PRKN: variants seen among roughly 807,000 people sequenced by gnomAD.
The protein encoded by PRKN is E3 ubiquitin-protein ligase parkin.
Under a neutral mutation model 59.5 loss-of-function variants are expected in PRKN, and 56 were observed. The observed-to-expected ratio is 0.94, with a 90% confidence interval of 0.76 to 1.18. The LOEUF is 1.18. Among genes scored for constraint, PRKN ranks in the 50% most tolerant of loss-of-function variants. PRKN has a pLI of 0.00. For synonymous variants in PRKN, 250 were observed against 222.1 expected (o/e 1.13, Z -1.12); for missense variants, 657 against 596.4 (o/e 1.10, Z -1.06).
chr6:162,340,226 T>C (rs1784112956), intron 2 of PRKN, among the ~76,000 whole-genome samples: 1 of 152,178 alleles, frequency 6.6e-6, no homozygotes, highest in Non-Finnish European at 1.5e-5. Flanking sequence ...TCTCTAATTC[T>C]ATGCATTTTG....
chr6:162,410,415 G>C (rs1788296394), intron 2 of PRKN, among the ~76,000 whole-genome samples: 1 of 152,160 alleles, frequency 6.6e-6, no homozygotes, highest in South Asian at 2.1e-4. Context: ...GATTCACATG[G>C]AAAGTCCACA....
At chr6:161,653,629 T>C (rs1472853343) in intron 7 of PRKN, among the ~76,000 whole-genome samples, 1 of 152,200 alleles carries the variant, frequency 6.6e-6, no homozygotes, top group African/African-American at 2.4e-5. Context: ...GAATAACTAG[T>C]TCATACTTCC....
At position 161,349,313 on chromosome 6, in the gene PRKN, A is replaced by G; in HGVS notation, c.*786T>C. 4.4e-6 allele frequency: 1 copy of G among 228,654 alleles called. No homozygotes were observed. The highest frequency in any genetic ancestry group is 8.7e-6 in the Non-Finnish European group (1 of 115,300). 14.2% of individuals were successfully genotyped at this position (228,654 alleles called of 1,614,324 possible). ...AGATTTTTTGGTGATACTTTCAGAA[A>G]AACAATTTCTTTCTAAAGTTGCAAA... On this transcript the variant is annotated 3_prime_UTR_variant, in exon 12 of 12. Transcript: ENST00000366898. The surrounding 1 kb of genome is among the most constrained non-coding windows in gnomAD (Gnocchi z 5.5).
At chr6:162,408,211 C>T (rs896797997) in intron 2 of PRKN, among the ~76,000 whole-genome samples, 3 of 151,628 alleles carry the variant, frequency 2.0e-5, no homozygotes, top group South Asian at 2.1e-4. Flanking sequence ...TGCTACTAGT[C>T]GGGGTACTTA....
intron 4 of PRKN, among the ~76,000 whole-genome samples, chr6:162,075,632 G>C (rs1283559118): frequency 1.3e-5 from 2 of 151,956 alleles, no homozygotes; most frequent in African/African-American, 2.4e-5. Context: ...CAACTATCTT[G>C]ACCACTCCAA....
Position 161,630,517 on chromosome 6 carries a change from T to TCTCTGCTTAAATCTTAAATCTTC in PRKN, c.872-61102_872-61101insGAAGATTTAAGATTTAAGCAGAG. Among the ~76,000 whole-genome samples, 3 of 152,338 alleles carry TCTCTGCTTAAATCTTAAATCTTC rather than the reference T, an allele frequency of 2.0e-5. No homozygotes were observed. In the Middle Eastern group the frequency reaches 0.01, roughly 518 times the overall value. On this transcript the variant is annotated intron_variant, in intron 7 of 11. Coordinates refer to ENST00000366898, the MANE Select transcript of PRKN (RefSeq NM_004562.3). ...AATGAGTTTCCAAAAGCAGAGAGTA[T>TCTCTGCTTAAATCTTAAATCTTC]CTTAAATCTTCCTGTACTTCCAAGA...
intron 5 of PRKN, among the ~76,000 whole-genome samples, chr6:161,988,302 C>G (rs78074091): frequency 0.063 from 9,566 of 152,008 alleles, 416 homozygotes; most frequent in South Asian, 0.16. Context: ...GCCTGGCCAA[C>G]GTGGTGAAAA....
chr6:162,512,068 C>T (rs1777646484), intron 1 of PRKN, among the ~76,000 whole-genome samples: 2 of 151,274 alleles, frequency 1.3e-5, no homozygotes, highest in Admixed American at 1.3e-4. Context: ...ATAAGCCAAA[C>T]ATCACAGGAA....
chr6:161,377,969 A>G lies in PRKN; in HGVS notation c.1167+8825T>C, dbSNP rs1785795630. ...CTACGGTATTGAGTGACAGCAGCCC[A>G]AACAGATGAGGCAGCAGCTGACAGT... On this transcript the variant is annotated intron_variant, in intron 10 of 11. Transcript: ENST00000366898. The surrounding 1 kb of genome is among the most constrained non-coding windows in gnomAD (Gnocchi z 4.2). Among the ~76,000 whole-genome samples, 1 of 152,112 alleles carries G rather than the reference A, an allele frequency of 6.6e-6. No individual in the cohort carries two copies. Among genetic ancestry groups the G allele is most frequent in the Admixed American group, 6.5e-5 (1 of 15,268 alleles).
In PRKN at chr6:162,165,411, T is replaced by C. The variant is rs541596148; in HGVS notation, c.534+35720A>G. On this transcript the variant is annotated intron_variant, in intron 4 of 11. Transcript: ENST00000366898. ...AGAAAATAGTTCCAAAACATACACCTGATAAAGTACTGATATGTAATAAAT... is the reference window on the plus strand; with the variant it reads ...AGAAAATAGTTCCAAAACATACACCCGATAAAGTACTGATATGTAATAAAT... 4.0e-5 allele frequency among the ~76,000 whole-genome samples: 6 copies of C among 149,398 alleles called. No individual in the cohort carries two copies. The East Asian group carries it at 1.2e-3, about 29-fold the overall frequency.
intron 9 of PRKN, among the ~76,000 whole-genome samples, chr6:161,516,625 C>T (rs1778611730): frequency 6.6e-6 from 1 of 150,668 alleles, no homozygotes; most frequent in African/African-American, 2.4e-5. Flanking sequence ...ATTAGGAGTT[C>T]GAGACCAGCC....
At chr6:162,592,241 G>C (rs1159005196) in intron 1 of PRKN, among the ~76,000 whole-genome samples, 12 of 152,168 alleles carry the variant, frequency 7.9e-5, no homozygotes, top group Non-Finnish European at 7.4e-5. Context: ...CAAGTGATTT[G>C]CCCGCCTTGG....
chr6:162,648,356 T>C (rs1778277913), intron 1 of PRKN, among the ~76,000 whole-genome samples: 2 of 151,602 alleles, frequency 1.3e-5, no homozygotes, highest in Admixed American at 1.3e-4. Flanking sequence ...GCAACTCCTC[T>C]GAGGTAATTA....
intron 1 of PRKN, among the ~76,000 whole-genome samples, chr6:162,567,070 A>C (rs1261979411): frequency 1.3e-5 from 2 of 152,184 alleles, no homozygotes; most frequent in Non-Finnish European, 2.9e-5. Context: ...ATCCTTCATG[A>C]TAAAAATTCT....
chr6:162,116,143 A>G (rs895503787), intron 4 of PRKN, among the ~76,000 whole-genome samples: 3 of 152,226 alleles, frequency 2.0e-5, no homozygotes, highest in Non-Finnish European at 4.4e-5. Context: ...TAGATATACA[A>G]TCATTAAGAA....
chr6:161,888,501 A>ACC (rs1795233373), intron 6 of PRKN, among the ~76,000 whole-genome samples: 1 of 152,150 alleles, frequency 6.6e-6, no homozygotes. Context: ...TGCACCATGT[A>ACC]CCAGTAGTTT....
chr6:161,551,399 T>C lies in PRKN; in HGVS notation c.934-2396A>G, dbSNP rs1049357737. 1.3e-5 allele frequency among the ~76,000 whole-genome samples: 2 copies of C among 152,146 alleles called. No homozygotes were observed. The highest frequency in any genetic ancestry group is 4.8e-5 in the African/African-American group (2 of 41,436). On this transcript the variant is annotated intron_variant, in intron 8 of 11. Transcript: ENST00000366898. This position sits in a 1 kb window ranked among gnomAD's most constrained non-coding sequence, Gnocchi z 5.2. ...GGTTAGATCTATGACACTCTGACCA[T>C]GTTATGAGGTCAGATGTGATTATCC... is the stretch of plus-strand genomic sequence containing the variant.
intron 2 of PRKN, among the ~76,000 whole-genome samples, chr6:162,352,394 T>C (rs1391456608): frequency 6.6e-6 from 1 of 152,184 alleles, no homozygotes; most frequent in Admixed American, 6.5e-5. Flanking sequence ...TGTCAAACTT[T>C]CTGAACCATT....
intron 10 of PRKN, among the ~76,000 whole-genome samples, chr6:161,382,843 G>C (rs1004946720): frequency 3.9e-5 from 6 of 152,196 alleles, no homozygotes; most frequent in African/African-American, 1.4e-4. Flanking sequence ...TAACTGATAG[G>C]AAAAGCTGAT....
Sources: allele counts gnomAD v4.1 joint callset (sites outside exome capture counted in the v4.1 genomes callset), GRCh38; gene constraint gnomAD v4.1.1; non-coding constraint Gnocchi (gnomAD v3.1); transcripts MANE v1.5; gene names NCBI Gene and HGNC (gene_info 2026-07-23, HGNC 2026-07-21).